CNNM2: variants seen among roughly 807,000 people sequenced by gnomAD.
The protein encoded by CNNM2 is cyclin and CBS domain divalent metal cation transport mediator 2, also known as metal transporter CNNM2.
A neutral mutation model predicts 66.9 loss-of-function variants in CNNM2; 12 were observed. That is an observed-to-expected ratio of 0.18 (90% confidence interval 0.11 to 0.29). The LOEUF is 0.29. Among genes scored for constraint, CNNM2 ranks in the 10% least tolerant of loss-of-function variants. The pLI is 1.00. For synonymous variants in CNNM2, 557 were observed against 501.8 expected (o/e 1.11, Z -1.47); for missense variants, 705 against 1,167.7 (o/e 0.60, Z 5.77).
intron 1 of CNNM2, among the ~76,000 whole-genome samples, chr10:103,046,110 C>CT (rs2065123556): frequency 6.6e-6 from 1 of 152,248 alleles, no homozygotes; most frequent in Admixed American, 6.5e-5. Context: ...AGTGTCTTTG[C>CT]TGGGTACCAG....
intron 1 of CNNM2, chr10:102,927,484 G>A (rs1845911061): frequency 6.3e-7 from 1 of 1,585,456 alleles, no homozygotes; most frequent in Non-Finnish European, 8.6e-7. Context: ...AGTTGGCTGG[G>A]CGTGGTGGCT....
chr10:103,077,467 C>A lies in CNNM2; in HGVS notation c.*287C>A. 2.4e-6 allele frequency: 1 copy of A among 416,782 alleles called. No individual in the cohort carries two copies. The highest frequency in any genetic ancestry group is 4.4e-6 in the Non-Finnish European group (1 of 229,378). The allele number at this position is 416,782 out of a possible 1,614,324, so 25.8% of individuals were successfully genotyped here. On this transcript the variant is annotated 3_prime_UTR_variant, in exon 8 of 8. Coordinates refer to ENST00000369878, the MANE Select transcript of CNNM2 (RefSeq NM_017649.5). ...TTATTTTTTCAGCTCTCCCTTTTAT[C>A]ATTATTCACACTCCTCTGCCCTCGA...
At chr10:102,975,669 A>G (rs892354477) in intron 1 of CNNM2, among the ~76,000 whole-genome samples, 3 of 151,890 alleles carry the variant, frequency 2.0e-5, no homozygotes, top group Non-Finnish European at 4.4e-5. Flanking sequence ...CCTGTGAAGC[A>G]CTCCTCTGGA....
At position 103,076,958 on chromosome 10, in the gene CNNM2, C is replaced by T; in HGVS notation, c.2419-13C>T. 1 of 1,612,506 alleles carries T rather than the reference C, an allele frequency of 6.2e-7. No homozygotes were observed. The highest frequency in any genetic ancestry group is 8.5e-7 in the Non-Finnish European group (1 of 1,179,062). On this transcript the variant is annotated splice_polypyrimidine_tract_variant and intron_variant, in intron 7 of 7. Transcript: ENST00000369878. ...TATCTTGGTTTGTTTTCTGTGCCAT[C>T]TTCTGGCCCCAGATCTCAAGACAGC...
chr10:102,976,678 G>C (rs1409567690), intron 1 of CNNM2, among the ~76,000 whole-genome samples: 1 of 125,022 alleles, frequency 8.0e-6, no homozygotes, highest in Non-Finnish European at 1.6e-5. Flanking sequence ...ATGTTGACCA[G>C]GCTGGTCTTG....
intron 1 of CNNM2, among the ~76,000 whole-genome samples, chr10:103,041,666 C>T (rs373771326): frequency 9.2e-5 from 14 of 152,366 alleles, no homozygotes; most frequent in African/African-American, 3.1e-4. Flanking sequence ...CCAGCATCTT[C>T]TGTCGCCAAA....
Position 103,025,784 on chromosome 10 carries a change from A to G in CNNM2, c.1622-23923A>G, listed in dbSNP as rs184789039. On this transcript the variant is annotated intron_variant, in intron 1 of 7. Coordinates refer to ENST00000369878, the MANE Select transcript of CNNM2 (RefSeq NM_017649.5). ...AATCTTCCTAGATCTGTTTTCTCTT[A>G]CCCCCTCCTAATTCAACAGCAGGGA... Among the ~76,000 whole-genome samples, 348 of 152,246 alleles carry G rather than the reference A, an allele frequency of 2.3e-3. 4 individuals carry two copies. Among genetic ancestry groups the G allele is most frequent in the African/African-American group, 7.9e-3 (330 of 41,546 alleles).
Position 102,977,540 on chromosome 10 carries a change from G to T in CNNM2, c.1621+57439G>T, listed in dbSNP as rs1427359044. ...AAAATTTTTAAAAATTGTGTTATTG[G>T]CTGGGCGCAGTGGCTCATGCCTATA... is the stretch of plus-strand genomic sequence containing the variant. On this transcript the variant is annotated intron_variant, in intron 1 of 7. Transcript: ENST00000369878. 7.9e-5 allele frequency among the ~76,000 whole-genome samples: 12 copies of T among 152,120 alleles called. No individual in the cohort carries two copies. The highest frequency in any genetic ancestry group is 2.9e-4 in the African/African-American group (12 of 41,418).
At chr10:102,981,822 G>A (rs1024610457) in intron 1 of CNNM2, among the ~76,000 whole-genome samples, 1 of 151,060 alleles carries the variant, frequency 6.6e-6, no homozygotes, top group Non-Finnish European at 1.5e-5. Context: ...TAGGATAGTT[G>A]GCTGGGAGGC....
chr10:103,019,832 T>G (rs904207846), intron 1 of CNNM2, among the ~76,000 whole-genome samples: 27 of 152,200 alleles, frequency 1.8e-4, no homozygotes, highest in African/African-American at 5.3e-4. Flanking sequence ...GTAATAAGGT[T>G]CTATATTGAT....
Position 102,919,576 on chromosome 10 carries a change from C to T in CNNM2, c.1096C>T (p.Arg366Trp). 6.2e-7 allele frequency: 1 copy of T among 1,613,566 alleles called. No individual in the cohort carries two copies. The highest frequency in any genetic ancestry group is 8.5e-7 in the Non-Finnish European group (1 of 1,180,032). ...GATCGTGCCCCAGGCCATCTGCTCCCGGCATGGCCTGGCTGTGGGGGCCAA... is the reference window on the plus strand; with the variant it reads ...GATCGTGCCCCAGGCCATCTGCTCCTGGCATGGCCTGGCTGTGGGGGCCAA... ...GEIVPQAICS[R>W]HGLAVGANTI... The change falls in exon 1 of 8, where the codon CGG becomes TGG. Residue 366 changes from arginine to tryptophan, a missense_variant. This residue lies in a region of CNNM2 where 49 missense variants were observed against 183.7 expected (regional missense o/e 0.27). Transcript: ENST00000369878.
chr10:103,063,438 G>A (rs549648237), intron 4 of CNNM2, among the ~76,000 whole-genome samples: 1 of 152,350 alleles, frequency 6.6e-6, no homozygotes, highest in African/African-American at 2.4e-5. Context: ...AGCATGTGGC[G>A]CATGGGGAAG....
chr10:103,068,462 G>A (rs369020657), intron 4 of CNNM2, 167 bp from the exon 5 acceptor site: 8 of 631,954 alleles, frequency 1.3e-5, no homozygotes, highest in African/African-American at 7.3e-5. Flanking sequence ...TATTTAAAGC[G>A]AATGAGCCCC....
At chr10:102,967,109 G>A (rs947999735) in intron 1 of CNNM2, among the ~76,000 whole-genome samples, 9 of 152,054 alleles carry the variant, frequency 5.9e-5, no homozygotes, top group East Asian at 3.8e-4. Context: ...AACATACTTC[G>A]CTACGTTTTT....
intron 1 of CNNM2, among the ~76,000 whole-genome samples, chr10:103,000,217 C>A (rs537947228): frequency 6.6e-6 from 1 of 150,982 alleles, no homozygotes; most frequent in Non-Finnish European, 1.5e-5. Flanking sequence ...GCGTGTGTGA[C>A]AAGAGCGAAA....
chr10:103,005,424 G>A lies in CNNM2; in HGVS notation c.1622-44283G>A, dbSNP rs529383922. 4.8e-4 allele frequency among the ~76,000 whole-genome samples: 73 copies of A among 152,046 alleles called. 1 individual carries two copies. The highest frequency in any genetic ancestry group is 1.8e-3 in the African/African-American group (73 of 41,506). ...AGCACTTTGGGAGGCCAAGGTGGGT[G>A]GATCACCTGAGGTCAGGAGTACAAG... On this transcript the variant is annotated intron_variant, in intron 1 of 7. Coordinates refer to ENST00000369878, the MANE Select transcript of CNNM2 (RefSeq NM_017649.5).
Position 103,080,403 on chromosome 10 carries a change from A to G in CNNM2, c.*3223A>G, listed in dbSNP as rs572177514. 39 of 152,330 alleles carry G rather than the reference A, an allele frequency of 2.6e-4. No individual in the cohort carries two copies. The highest frequency in any genetic ancestry group is 1.0e-3 in the South Asian group (5 of 4,830). 9.4% of individuals were successfully genotyped at this position (152,330 alleles called of 1,614,324 possible). A position where few individuals can be genotyped will look rare whatever the true frequency, so the allele number is the denominator to read the frequency against. On this transcript the variant is annotated 3_prime_UTR_variant, in exon 8 of 8. Transcript: ENST00000369878. ...GCGTCAGGCAAATTCAAAATCATAC[A>G]TTTAAACTCTTAGGAAAACAAAATC...
At position 102,977,647 on chromosome 10, in the gene CNNM2, T is replaced by C. The variant is rs10883814; in HGVS notation, c.1621+57546T>C. ...ACCAGCCTGACCAACATAATGAAATTCTGTCTCTACTAAAAATGCAAAAAT... is the reference window on the plus strand; with the variant it reads ...ACCAGCCTGACCAACATAATGAAATCCTGTCTCTACTAAAAATGCAAAAAT... On this transcript the variant is annotated intron_variant, in intron 1 of 7. Transcript: ENST00000369878. Among the ~76,000 whole-genome samples, 61,856 of 151,818 alleles carry C rather than the reference T, an allele frequency of 0.41. 12,821 individuals are homozygous for C. The highest frequency in any genetic ancestry group is 0.56 in the East Asian group (2,867 of 5,114).
chr10:102,981,386 T>C (rs2063717600), intron 1 of CNNM2, among the ~76,000 whole-genome samples: 1 of 151,830 alleles, frequency 6.6e-6, no homozygotes, highest in African/African-American at 2.4e-5. Context: ...CCTTCCTCTT[T>C]TTTCCTATAT....
Sources: allele counts gnomAD v4.1 joint callset (sites outside exome capture counted in the v4.1 genomes callset), GRCh38; gene constraint gnomAD v4.1.1; regional missense constraint gnomAD v4.1.1; transcripts MANE v1.5; gene names NCBI Gene and HGNC (gene_info 2026-07-23, HGNC 2026-07-21).